Variants in OR51E2 observed in about 807,000 individuals in gnomAD.
The protein encoded by OR51E2 is olfactory receptor 51E2.
Under a neutral mutation model 13.7 loss-of-function variants are expected in OR51E2, and 14 were observed. That is an observed-to-expected ratio of 1.02 (90% CI 0.68 to 1.60). OR51E2 has a LOEUF of 1.60. Among genes scored for constraint, OR51E2 ranks in the 40% most tolerant of loss-of-function variants. The probability of loss-of-function intolerance (pLI) is 0.00; values close to 1 mark genes in which losing one functional copy is unlikely to be tolerated. For missense variants in OR51E2, 483 were observed against 413.8 expected (o/e 1.17, Z -1.45); for synonymous variants, 180 against 157.6 (o/e 1.14, Z -1.07).
At chr11:4,687,868 A>G (rs1418742754) in intron 1 of OR51E2, among the ~76,000 whole-genome samples, 1 of 152,194 alleles carries the variant, frequency 6.6e-6, no homozygotes, top group Non-Finnish European at 1.5e-5. Context: ...ATTCTAAGTC[A>G]GGAGAAGGAA....
intron 1 of OR51E2, among the ~76,000 whole-genome samples, chr11:4,684,238 A>G (rs2133245818): frequency 6.6e-6 from 1 of 152,336 alleles, no homozygotes; most frequent in Non-Finnish European, 1.5e-5. Context: ...AAAACAGCTA[A>G]GCTCCTTGAC....
chr11:4,694,820 T>C (rs1847636905), intron 1 of OR51E2, among the ~76,000 whole-genome samples: 1 of 152,120 alleles, frequency 6.6e-6, no homozygotes, highest in African/African-American at 2.4e-5. Flanking sequence ...TTGGAGTGTG[T>C]GCATACATGA....
intron 1 of OR51E2, among the ~76,000 whole-genome samples, chr11:4,689,459 AGT>A: frequency 6.6e-6 from 1 of 152,208 alleles, no homozygotes; most frequent in Non-Finnish European, 1.5e-5. Flanking sequence ...AATAAGGTGC[AGT>A]TGGCAGAGAT....
intron 1 of OR51E2, among the ~76,000 whole-genome samples, chr11:4,693,918 G>T (rs919646325): frequency 3.3e-5 from 5 of 152,068 alleles, no homozygotes; most frequent in African/African-American, 1.2e-4. Flanking sequence ...GAGCAGAACC[G>T]TTTTTCAATA....
chr11:4,696,332 T>C (rs957225660), intron 1 of OR51E2, among the ~76,000 whole-genome samples: 3 of 152,054 alleles, frequency 2.0e-5, no homozygotes, highest in Admixed American at 1.3e-4. Flanking sequence ...TAGTAAATCA[T>C]TGAATTAAAA....
rs1013426146 is a variant in OR51E2 at position 4,681,739 on chromosome 11, G to A, written c.*10C>T. 1.2e-6 allele frequency: 2 copies of A among 1,613,264 alleles called. No homozygotes were observed. Among genetic ancestry groups the A allele is most frequent in the South Asian group, 2.2e-5 (2 of 91,060 alleles). On this transcript the variant is annotated 3_prime_UTR_variant, in exon 2 of 2. Coordinates refer to ENST00000396950, the MANE Select transcript of OR51E2 (RefSeq NM_030774.4). ...GCCAATAAAGATAAGGAGAAGTGTA[G>A]TGTTAAGGGTCACTTGCCTCCCACA...
intron 1 of OR51E2, among the ~76,000 whole-genome samples, chr11:4,693,537 T>C (rs548431691): frequency 9.9e-5 from 15 of 152,136 alleles, no homozygotes; most frequent in South Asian, 8.3e-4. Context: ...CTGGCTAACA[T>C]GGTGAAACCT....
chr11:4,685,415 T>A (rs1364098889), intron 1 of OR51E2, among the ~76,000 whole-genome samples: 1 of 152,210 alleles, frequency 6.6e-6, no homozygotes, highest in Non-Finnish European at 1.5e-5. Context: ...TGTGCCACTC[T>A]GCTAGACGCA....
At chr11:4,682,859 T>C (rs920007593) in intron 1 of OR51E2, 98 bp from the exon 2 acceptor site, 1 of 796,628 alleles carries the variant, frequency 1.3e-6, no homozygotes. Context: ...GGGTCTTTCA[T>C]AAGCTCTGAG....
At chr11:4,693,169 G>A (rs1156593726) in intron 1 of OR51E2, among the ~76,000 whole-genome samples, 2 of 152,098 alleles carry the variant, frequency 1.3e-5, no homozygotes, top group East Asian at 3.9e-4. Context: ...GCTTGATTTG[G>A]TCATTCCACA....
chr11:4,681,475 C>A lies in OR51E2; in HGVS notation c.*274G>T. 2.4e-6 allele frequency: 1 copy of A among 418,872 alleles called. No homozygotes were observed. Among genetic ancestry groups the A allele is most frequent in the East Asian group, 4.1e-5 (1 of 24,598 alleles). 25.9% of individuals were successfully genotyped at this position (418,872 alleles called of 1,614,324 possible). Reference sequence around the variant, plus strand: ...GAGCACATTTCCTCCAAGGCATATGCTATTTTTCAACTTGGTTTCAATCAT... The same window carrying A: ...GAGCACATTTCCTCCAAGGCATATGATATTTTTCAACTTGGTTTCAATCAT... On this transcript the variant is annotated 3_prime_UTR_variant, in exon 2 of 2. Coordinates refer to ENST00000396950, the MANE Select transcript of OR51E2 (RefSeq NM_030774.4).
In OR51E2 at chr11:4,681,548, G is replaced by T; in HGVS notation, c.*201C>A. The T allele has an allele frequency of 1.7e-6, 1 of 587,108 alleles. No individual in the cohort carries two copies. Among genetic ancestry groups the T allele is most frequent in the Non-Finnish European group, 3.0e-6 (1 of 338,180 alleles). 36.4% of individuals were successfully genotyped at this position (587,108 alleles called of 1,614,324 possible). A position where few individuals can be genotyped will look rare whatever the true frequency, so the allele number is the denominator to read the frequency against. ...TGTTATAAGCATGTTTGGTTTTATTGTAGTCTTTAAATCATGTAATACTTC... is the reference window on the plus strand; with the variant it reads ...TGTTATAAGCATGTTTGGTTTTATTTTAGTCTTTAAATCATGTAATACTTC... On this transcript the variant is annotated 3_prime_UTR_variant, in exon 2 of 2. Coordinates refer to ENST00000396950, the MANE Select transcript of OR51E2 (RefSeq NM_030774.4).
At chr11:4,694,289 G>A (rs1847625366) in intron 1 of OR51E2, among the ~76,000 whole-genome samples, 1 of 150,878 alleles carries the variant, frequency 6.6e-6, no homozygotes, top group South Asian at 2.1e-4. Context: ...TCTGTGTTGG[G>A]CCTAGCAAAA....
At chr11:4,693,549 G>A (rs1192476723) in intron 1 of OR51E2, among the ~76,000 whole-genome samples, 6 of 151,984 alleles carry the variant, frequency 3.9e-5, no homozygotes, top group Non-Finnish European at 7.4e-5. Flanking sequence ...GTGAAACCTC[G>A]TCTCTACTAA....
chr11:4,680,799 A>G lies in OR51E2; in HGVS notation c.*950T>C, dbSNP rs939287175. 2.0e-5 allele frequency: 3 copies of G among 152,344 alleles called. No individual in the cohort carries two copies. The highest frequency in any genetic ancestry group is 6.5e-5 in the Admixed American group (1 of 15,298). The allele number at this position is 152,344 out of a possible 1,614,324, so 9.4% of individuals were successfully genotyped here. A position where few individuals can be genotyped will look rare whatever the true frequency, so the allele number is the denominator to read the frequency against. ...TATATAAATTCCCAGGTAATGCATA[A>G]TAACAGTAGAGACTGTGACAAGCCC... On this transcript the variant is annotated 3_prime_UTR_variant, in exon 2 of 2. Coordinates refer to ENST00000396950, the MANE Select transcript of OR51E2 (RefSeq NM_030774.4).
rs1414011701 is a variant in OR51E2, at chr11:4,681,732, A to T, written c.*17T>A. Reference sequence around the variant, plus strand: ...TTATCAAGCCAATAAAGATAAGGAGAAGTGTAGTGTTAAGGGTCACTTGCC... The same window carrying T: ...TTATCAAGCCAATAAAGATAAGGAGTAGTGTAGTGTTAAGGGTCACTTGCC... On this transcript the variant is annotated 3_prime_UTR_variant, in exon 2 of 2. Transcript: ENST00000396950. 1 of 1,610,662 alleles carries T rather than the reference A, an allele frequency of 6.2e-7. No homozygotes were observed. The highest frequency in any genetic ancestry group is 8.5e-7 in the Non-Finnish European group (1 of 1,177,128).
Position 4,682,583 on chromosome 11 carries a change from G to A in OR51E2, c.129C>T (p.Ile43=), listed in dbSNP as rs574634498. Residue 43 remains isoleucine, a synonymous_variant, in exon 2 of 2, where the codon ATC becomes ATT. Transcript: ENST00000396950. ...MYVVAMFGNC[I]VVFIVRTERS... is the part of the protein sequence containing the mutation. ...GTTCCGTCCTTACGATGAAGACCAC[G>A]ATGCAGTTTCCAAACATTGCCACTA... 1.4e-5 allele frequency: 23 copies of A among 1,614,066 alleles called. No homozygotes were observed. The highest frequency in any genetic ancestry group is 2.2e-5 in the East Asian group (1 of 44,900).
chr11:4,687,522 G>T (rs572782184), intron 1 of OR51E2, among the ~76,000 whole-genome samples: 2 of 152,306 alleles, frequency 1.3e-5, no homozygotes, highest in African/African-American at 2.4e-5. Context: ...TATATTTGTA[G>T]ATATGAAGAA....
At chr11:4,695,718 ACCT>A (rs1847647082) in intron 1 of OR51E2, among the ~76,000 whole-genome samples, 1 of 151,518 alleles carries the variant, frequency 6.6e-6, no homozygotes, top group African/African-American at 2.4e-5. Context: ...AGCAATGTTT[ACCT>A]CCTCCTCCTT....
Sources: allele counts gnomAD v4.1 joint callset (sites outside exome capture counted in the v4.1 genomes callset), GRCh38; gene constraint gnomAD v4.1.1; transcripts MANE v1.5; gene names NCBI Gene and HGNC (gene_info 2026-07-23, HGNC 2026-07-21).